SPAG16: variants seen among roughly 807,000 people sequenced by gnomAD.
The protein encoded by SPAG16 is sperm-associated antigen 16 protein.
SPAG16 carries 86 observed loss-of-function variants against 80.4 expected under a neutral mutation model. That is an observed-to-expected ratio of 1.07 (90% CI 0.90 to 1.28). SPAG16 has a LOEUF of 1.28. Among genes scored for constraint, SPAG16 ranks in the 50% most tolerant of loss-of-function variants. The pLI, the probability that SPAG16 is intolerant of heterozygous loss-of-function variation, is 0.00. For missense variants in SPAG16, 870 were observed against 765.3 expected (o/e 1.14, Z -1.61); for synonymous variants, 294 against 265.9 (o/e 1.11, Z -1.03).
At chr2:213,910,939 A>G (rs982970778) in intron 11 of SPAG16, among the ~76,000 whole-genome samples, 16 of 152,208 alleles carry the variant, frequency 1.1e-4, no homozygotes, top group African/African-American at 3.9e-4. Flanking sequence ...ACATTTATGC[A>G]GAGCCAGAAT....
chr2:213,470,632 G>A (rs142688403), intron 9 of SPAG16, among the ~76,000 whole-genome samples: 3 of 152,300 alleles, frequency 2.0e-5, no homozygotes, highest in African/African-American at 4.8e-5. Context: ...GTCAGCCTTG[G>A]TGAGTGAAAA....
At chr2:213,868,261 T>A (rs1429757986) in intron 11 of SPAG16, among the ~76,000 whole-genome samples, 1 of 151,914 alleles carries the variant, frequency 6.6e-6, no homozygotes, top group Non-Finnish European at 1.5e-5. Flanking sequence ...TTTTTTTTTA[T>A]TTTAGATTTT....
intron 10 of SPAG16, among the ~76,000 whole-genome samples, chr2:213,498,654 C>A (rs2074599385): frequency 6.6e-6 from 1 of 152,104 alleles, no homozygotes; most frequent in South Asian, 2.1e-4. Context: ...GTGAGCACCT[C>A]AAATTTAGCA....
At chr2:213,378,461 T>C (rs2067003979) in intron 9 of SPAG16, among the ~76,000 whole-genome samples, 1 of 152,152 alleles carries the variant, frequency 6.6e-6, no homozygotes, top group South Asian at 2.1e-4. Context: ...CAACCAGAAA[T>C]GCATCAGTCC....
intron 10 of SPAG16, among the ~76,000 whole-genome samples, chr2:213,546,444 T>C (rs1284151237): frequency 1.3e-5 from 2 of 152,198 alleles, no homozygotes; most frequent in Admixed American, 1.3e-4. Context: ...GTGCTCAGAT[T>C]AGTCTCTGAA....
At chr2:214,012,283 TATA>T (rs1236763691) in intron 12 of SPAG16, among the ~76,000 whole-genome samples, 75 of 54,336 alleles carry the variant, frequency 1.4e-3, no homozygotes, top group African/African-American at 4.8e-3. Context: ...TATATATATA[TATA>T]TATTTTTTTT....
intron 15 of SPAG16, among the ~76,000 whole-genome samples, chr2:214,319,163 A>C (rs1576768251): frequency 7.1e-6 from 1 of 140,396 alleles, no homozygotes; most frequent in East Asian, 2.2e-4. Context: ...GCCATTCTTT[A>C]TTCTTTCCTT....
intron 10 of SPAG16, among the ~76,000 whole-genome samples, chr2:213,639,103 C>T (rs770923967): frequency 1.3e-5 from 2 of 152,102 alleles, no homozygotes; most frequent in Non-Finnish European, 2.9e-5. Context: ...ATCTTTCTTC[C>T]ATCTTTTCAC....
At chr2:213,924,706 T>C (rs993859897) in intron 11 of SPAG16, among the ~76,000 whole-genome samples, 3 of 152,212 alleles carry the variant, frequency 2.0e-5, no homozygotes, top group African/African-American at 7.2e-5. Context: ...CTTAGAAGTT[T>C]AGTGTGCCTC....
At chr2:213,995,007 T>G (rs35449458) in intron 12 of SPAG16, among the ~76,000 whole-genome samples, 1 of 152,224 alleles carries the variant, frequency 6.6e-6, no homozygotes, top group Non-Finnish European at 1.5e-5. Flanking sequence ...TTTATTATTG[T>G]ATTTTGAAGG....
At chr2:214,038,112 C>G (rs969526244) in intron 13 of SPAG16, among the ~76,000 whole-genome samples, 1 of 151,966 alleles carries the variant, frequency 6.6e-6, no homozygotes, top group South Asian at 2.1e-4. Context: ...ATCATGTGTA[C>G]TGTGTTATAT....
chr2:214,352,682 C>T (rs1341764727), intron 15 of SPAG16, among the ~76,000 whole-genome samples: 1 of 151,710 alleles, frequency 6.6e-6, no homozygotes, highest in Non-Finnish European at 1.5e-5. Context: ...GGCTGTTTGA[C>T]ATTTAAAGTA....
chr2:213,591,870 C>T (rs1174498209), intron 10 of SPAG16, among the ~76,000 whole-genome samples: 2 of 151,928 alleles, frequency 1.3e-5, no homozygotes, highest in Non-Finnish European at 2.9e-5. Flanking sequence ...ATGAGGAACC[C>T]GATTAGATTT....
At chr2:214,295,116 G>A (rs1476144180) in intron 15 of SPAG16, among the ~76,000 whole-genome samples, 2 of 152,172 alleles carry the variant, frequency 1.3e-5, no homozygotes, top group Non-Finnish European at 2.9e-5. Context: ...TCATCAAGAG[G>A]TTAGTGCTCA....
chr2:213,589,896 C>T (rs938112874), intron 10 of SPAG16, among the ~76,000 whole-genome samples: 5 of 148,176 alleles, frequency 3.4e-5, no homozygotes, highest in Non-Finnish European at 5.9e-5. Context: ...CACTCCAGCC[C>T]GGGCAACAGA....
intron 9 of SPAG16, among the ~76,000 whole-genome samples, chr2:213,404,991 C>T (rs2068535623): frequency 6.6e-6 from 1 of 152,122 alleles, no homozygotes; most frequent in African/African-American, 2.4e-5. Flanking sequence ...TGGCATTTGG[C>T]AACATACCCC....
At chr2:213,812,142 A>C (rs1575206700) in intron 10 of SPAG16, among the ~76,000 whole-genome samples, 1 of 152,124 alleles carries the variant, frequency 6.6e-6, no homozygotes, top group East Asian at 1.9e-4. Context: ...CTTACAGAAA[A>C]CTGTTAGGAC....
intron 10 of SPAG16, among the ~76,000 whole-genome samples, chr2:213,687,213 C>A (rs2064722616): frequency 6.6e-6 from 1 of 152,032 alleles, no homozygotes; most frequent in South Asian, 2.1e-4. Flanking sequence ...CTTCCAATTT[C>A]TTCTCCTGGC....
intron 10 of SPAG16, among the ~76,000 whole-genome samples, chr2:213,811,360 G>A (rs2072139775): frequency 6.6e-6 from 1 of 151,790 alleles, no homozygotes; most frequent in Admixed American, 6.6e-5. Flanking sequence ...CAAGATGAGG[G>A]TTTGCTTCCC....
Sources: allele counts gnomAD v4.1 joint callset (sites outside exome capture counted in the v4.1 genomes callset), GRCh38; gene constraint gnomAD v4.1.1; transcripts MANE v1.5; gene names NCBI Gene and HGNC (gene_info 2026-07-23, HGNC 2026-07-21).